Variants in PCDHA4 observed in about 807,000 individuals in gnomAD.
The protein encoded by PCDHA4 is protocadherin alpha 4, also known as protocadherin alpha-4.
Under a neutral mutation model 61.4 loss-of-function variants are expected in PCDHA4, and 49 were observed. That is an observed-to-expected ratio of 0.80 (90% CI 0.63 to 1.01). The LOEUF (loss-of-function observed/expected upper bound fraction) is 1.01, where lower values mean the gene tolerates loss of function less well. Among genes scored for constraint, PCDHA4 ranks in the 50% least tolerant of loss-of-function variants. The pLI is 0.00. For missense variants in PCDHA4, 1,254 were observed against 1,235.8 expected, an observed-to-expected ratio of 1.01 and a Z score of -0.22; for synonymous variants, 590 against 550.3, an observed-to-expected ratio of 1.07 and a Z score of -1.01.
At position 140,835,641 on chromosome 5, in the gene PCDHA4, G is replaced by A. The variant is rs2150240486; in HGVS notation, c.2385+26069G>A. ...CGCTCTGGACCGCGAGAGTGTGTCC[G>A]CCTATGAGCTGGTGGTTACCGCGCG... On this transcript the variant is annotated intron_variant, in intron 1 of 3. Transcript: ENST00000530339. 5.0e-6 allele frequency: 8 copies of A among 1,613,912 alleles called. No homozygotes were observed. In the South Asian group the frequency reaches 7.7e-5, roughly 16 times the overall value.
At chr5:140,934,129 T>G (rs150501213) in intron 1 of PCDHA4, among the ~76,000 whole-genome samples, 326 of 152,294 alleles carry the variant, frequency 2.1e-3, no homozygotes, top group African/African-American at 7.4e-3. Context: ...CTTTATTAAT[T>G]TATTTCCTTC....
chr5:140,868,954 C>T (rs192231), intron 1 of PCDHA4: 649,749 of 1,346,616 alleles, frequency 0.48, 158,482 homozygotes, highest in South Asian at 0.57. Flanking sequence ...GTGAGGCACT[C>T]CCATACAAAG....
chr5:140,809,023 G>T lies in PCDHA4; in HGVS notation c.1836G>T (p.Gln612His). Residue 612 changes from glutamine to histidine, a missense_variant, in exon 1 of 4, where the codon CAG becomes CAT. Physicochemically the swap from Gln to His is conservative, Grantham distance 24. Coordinates refer to ENST00000530339, the MANE Select transcript of PCDHA4 (RefSeq NM_018907.4). ...GYNAWLSYEL[Q>H]PGTGGARIPF... is the part of the protein sequence containing the mutation. ...ACGCGTGGCTTTCGTACGAGCTGCAGCCGGGGACTGGTGGCGCGCGCATCC... is the reference window on the plus strand; with the variant it reads ...ACGCGTGGCTTTCGTACGAGCTGCATCCGGGGACTGGTGGCGCGCGCATCC... 1 of 1,613,728 alleles carries T rather than the reference G, an allele frequency of 6.2e-7. No individual in the cohort carries two copies. Among genetic ancestry groups the T allele is most frequent in the Non-Finnish European group, 8.5e-7 (1 of 1,179,780 alleles).
At chr5:140,820,895 A>G (rs1216574089) in intron 1 of PCDHA4, among the ~76,000 whole-genome samples, 5 of 152,098 alleles carry the variant, frequency 3.3e-5, no homozygotes, top group African/African-American at 1.2e-4. Context: ...AAGACGATTT[A>G]CCAAAGTCGT....
intron 1 of PCDHA4, chr5:140,836,083 C>T (rs2150252253): frequency 1.9e-6 from 3 of 1,613,306 alleles, no homozygotes; most frequent in African/African-American, 2.7e-5. Context: ...GCACTGCTGG[C>T]GCCTCGGGTG....
chr5:140,981,033 GA>G (rs148859655), intron 2 of PCDHA4, among the ~76,000 whole-genome samples: 2 of 151,612 alleles, frequency 1.3e-5, no homozygotes, highest in Admixed American at 6.6e-5. Flanking sequence ...AATATTTGGG[GA>G]AAAAAAACAG....
At chr5:140,886,560 G>A (rs1230327560) in intron 1 of PCDHA4, among the ~76,000 whole-genome samples, 3 of 151,904 alleles carry the variant, frequency 2.0e-5, no homozygotes, top group Non-Finnish European at 4.4e-5. Flanking sequence ...GGGCACGGTG[G>A]CTCACGCCTG....
rs932495728 is a variant in PCDHA4, at chr5:140,945,802, C to T, written c.2386-33147C>T. ...AGATGCAGAAAAATGAAACTAGACC[C>T]TTATCTCACACTGTATACAAAAGTC... On this transcript the variant is annotated intron_variant, in intron 1 of 3. Coordinates refer to ENST00000530339, the MANE Select transcript of PCDHA4 (RefSeq NM_018907.4). Among the ~76,000 whole-genome samples the T allele has an allele frequency of 5.9e-5, 9 of 152,202 alleles. No homozygotes were observed. The East Asian group carries it at 1.7e-3, about 29-fold the overall frequency.
chr5:140,974,394 A>G (rs1554236015), intron 1 of PCDHA4, among the ~76,000 whole-genome samples: 1 of 152,212 alleles, frequency 6.6e-6, no homozygotes, highest in Non-Finnish European at 1.5e-5. Context: ...CCCATTAGGT[A>G]TGTTCTAAAG....
intron 1 of PCDHA4, chr5:140,829,654 G>C: frequency 6.2e-7 from 1 of 1,612,542 alleles, no homozygotes; most frequent in Non-Finnish European, 8.5e-7. Context: ...ACGCGCTGCA[G>C]CCGCTGGACC....
chr5:140,891,009 A>AT (rs35053611), intron 1 of PCDHA4, among the ~76,000 whole-genome samples: 3 of 152,052 alleles, frequency 2.0e-5, no homozygotes, highest in East Asian at 3.9e-4. Context: ...ATTGAAAAGC[A>AT]TTTTTTCTGA....
intron 1 of PCDHA4, among the ~76,000 whole-genome samples, chr5:140,913,400 C>T (rs2076319870): frequency 6.6e-6 from 1 of 152,108 alleles, no homozygotes; most frequent in South Asian, 2.1e-4. Context: ...CACTAATGAT[C>T]CTTTGAATTC....
Position 141,010,149 on chromosome 5 carries a change from C to T in PCDHA4, c.*212C>T. 6.3e-7 allele frequency: 1 copy of T among 1,580,088 alleles called. No individual in the cohort carries two copies. Among genetic ancestry groups the T allele is most frequent in the Non-Finnish European group, 8.6e-7 (1 of 1,161,942 alleles). On this transcript the variant is annotated 3_prime_UTR_variant, in exon 4 of 4. Transcript: ENST00000530339. ...GTCTGGTGTTAACTCTTTCTCTCCA[C>T]TCTGGCTTGTTTTCAGAACCTAAAA...
At chr5:140,948,013 A>G (rs1214834981) in intron 1 of PCDHA4, among the ~76,000 whole-genome samples, 7 of 89,982 alleles carry the variant, frequency 7.8e-5, no homozygotes, top group Admixed American at 5.3e-4. Context: ...TTTAGGAAGT[A>G]CCCTTTCTGG....
chr5:140,986,291 A>C (rs1554247870), intron 3 of PCDHA4, among the ~76,000 whole-genome samples: 1 of 152,142 alleles, frequency 6.6e-6, no homozygotes, highest in East Asian at 1.9e-4. Context: ...CTTGAGACTG[A>C]GCAGAGAGAG....
intron 1 of PCDHA4, chr5:140,841,829 T>C (rs1470654104): frequency 1.9e-6 from 3 of 1,613,780 alleles, no homozygotes; most frequent in Non-Finnish European, 2.5e-6. Context: ...CGTGTTAACC[T>C]ACAGGCTTAG....
At chr5:140,836,386 C>A in intron 1 of PCDHA4, 1 of 1,613,722 alleles carries the variant, frequency 6.2e-7, no homozygotes, top group Non-Finnish European at 8.5e-7. Context: ...GTGCTGGTGT[C>A]GCTGGTGGAA....
At position 140,857,142 on chromosome 5, in the gene PCDHA4, G is replaced by A. The variant is rs782455438; in HGVS notation, c.2385+47570G>A. On this transcript the variant is annotated intron_variant, in intron 1 of 3. Transcript: ENST00000530339. ...CCAGTGAAAGAAGATGCTCAAGTGGGCACCGTCATTGCCCTAATCAGCGTT... is the reference window on the plus strand; with the variant it reads ...CCAGTGAAAGAAGATGCTCAAGTGGACACCGTCATTGCCCTAATCAGCGTT... 4 of 1,598,268 alleles carry A rather than the reference G, an allele frequency of 2.5e-6. No homozygotes were observed. The highest frequency in any genetic ancestry group is 3.4e-5 in the Admixed American group (2 of 59,268).
chr5:140,973,134 C>T (rs999970948), intron 1 of PCDHA4, among the ~76,000 whole-genome samples: 6 of 152,182 alleles, frequency 3.9e-5, no homozygotes, highest in Admixed American at 6.5e-5. Flanking sequence ...AGTTTGCATT[C>T]ACTTTCACTT....
Sources: gnomAD v4.1 joint callset for allele counts (sites outside exome capture counted in the v4.1 genomes callset) on GRCh38, gnomAD v4.1.1 for gene constraint, MANE v1.5 for transcripts, NCBI Gene and HGNC (gene_info 2026-07-23, HGNC 2026-07-21) for gene names.